Variants in ADAMTSL1 observed in about 807,000 individuals in gnomAD.
ADAMTSL1 encodes ADAMTS like 1.
In ADAMTSL1, 126 loss-of-function variants were observed where a neutral mutation model predicts 201.8. That is an observed-to-expected ratio of 0.62 (90% CI 0.54 to 0.72). ADAMTSL1 has a LOEUF of 0.72. ADAMTSL1 is among the 30% of genes least tolerant of loss of function. The probability of loss-of-function intolerance (pLI) is 0.00; values close to 1 mark genes in which losing one functional copy is unlikely to be tolerated. For synonymous variants in ADAMTSL1, 1,121 were observed against 903.4 expected (o/e 1.24, Z -4.32); for missense variants, 2,679 against 2,277.8 (o/e 1.18, Z -3.59).
At chr9:18,829,670 C>A (rs1280935428) in intron 22 of ADAMTSL1, among the ~76,000 whole-genome samples, 173 bp from the exon 23 acceptor site, 9 of 152,148 alleles carry the variant, frequency 5.9e-5, no homozygotes, top group Admixed American at 5.9e-4. Flanking sequence ...GAAATTCAGA[C>A]TCACCTTGAC....
intron 1 of ADAMTSL1, among the ~76,000 whole-genome samples, chr9:18,476,252 A>C (rs1331857450): frequency 1.3e-5 from 2 of 152,146 alleles, no homozygotes; most frequent in Non-Finnish European, 2.9e-5. Flanking sequence ...CATTACAATA[A>C]ATCCTTACAA....
chr9:18,266,143 C>T (rs774978108), intron 2 of ADAMTSL1, among the ~76,000 whole-genome samples: 10 of 152,182 alleles, frequency 6.6e-5, no homozygotes, highest in African/African-American at 1.4e-4. Flanking sequence ...AGACAGCAGG[C>T]GCCACTGCTG....
intron 1 of ADAMTSL1, among the ~76,000 whole-genome samples, chr9:18,113,142 T>C (rs1284638129): frequency 2.0e-5 from 3 of 151,982 alleles, no homozygotes; most frequent in Non-Finnish European, 4.4e-5. Context: ...TTAGATACGA[T>C]GGGATTGTGA....
At chr9:18,795,786 G>A (rs903122392) in intron 20 of ADAMTSL1, among the ~76,000 whole-genome samples, 6 of 152,138 alleles carry the variant, frequency 3.9e-5, no homozygotes, top group Admixed American at 2.6e-4. Flanking sequence ...TAAGAGACAG[G>A]GATATTTCAT....
At chr9:18,129,165 G>T (rs1340584898) in intron 1 of ADAMTSL1, among the ~76,000 whole-genome samples, 2 of 152,090 alleles carry the variant, frequency 1.3e-5, no homozygotes, top group Non-Finnish European at 2.9e-5. Context: ...GAGACAAAAG[G>T]CCTACCTGCT....
chr9:18,084,649 C>G (rs1254769234), intron 1 of ADAMTSL1, among the ~76,000 whole-genome samples: 2 of 152,070 alleles, frequency 1.3e-5, no homozygotes, highest in African/African-American at 4.8e-5. Flanking sequence ...CCGTACAGCT[C>G]AAGCTCCCTC....
intron 1 of ADAMTSL1, among the ~76,000 whole-genome samples, chr9:18,072,284 G>A (rs1254749134): frequency 6.6e-6 from 1 of 152,166 alleles, no homozygotes; most frequent in Non-Finnish European, 1.5e-5. Context: ...ATGATTTTAT[G>A]TGATGGCCTC....
chr9:18,298,777 ACTTTGGGAGGCCGCAGC>A (rs1833576867), intron 2 of ADAMTSL1, among the ~76,000 whole-genome samples: 1 of 151,952 alleles, frequency 6.6e-6, no homozygotes, highest in Non-Finnish European at 1.5e-5. Context: ...TAATCCCAGC[ACTTTGGGAGGCCGCAGC>A]GGGCGGATCA....
intron 2 of ADAMTSL1, among the ~76,000 whole-genome samples, chr9:18,309,187 C>A (rs1834022827): frequency 6.6e-6 from 1 of 152,146 alleles, no homozygotes; most frequent in Non-Finnish European, 1.5e-5. Flanking sequence ...AAATGTATCT[C>A]AAAATAATAA....
intron 4 of ADAMTSL1, among the ~76,000 whole-genome samples, chr9:18,579,620 A>G (rs1291149195): frequency 2.6e-5 from 4 of 152,172 alleles, no homozygotes; most frequent in African/African-American, 4.8e-5. Flanking sequence ...TTCTGAGTAC[A>G]TGATTTAATA....
intron 1 of ADAMTSL1, among the ~76,000 whole-genome samples, chr9:18,019,397 A>G (rs1411012503): frequency 4.6e-5 from 7 of 152,128 alleles, no homozygotes; most frequent in Non-Finnish European, 1.0e-4. Flanking sequence ...GAGTACTGTC[A>G]GAAAAACATA....
At chr9:18,660,698 A>G (rs889133757) in intron 8 of ADAMTSL1, among the ~76,000 whole-genome samples, 1 of 152,174 alleles carries the variant, frequency 6.6e-6, no homozygotes, top group African/African-American at 2.4e-5. Flanking sequence ...TTAAAATGTC[A>G]TTTTGCTACT....
At chr9:18,122,221 T>C (rs1421916208) in intron 1 of ADAMTSL1, among the ~76,000 whole-genome samples, 1 of 152,138 alleles carries the variant, frequency 6.6e-6, no homozygotes, top group Non-Finnish European at 1.5e-5. Context: ...AACTTATAAA[T>C]GCATGTTCAT....
At chr9:18,786,713 G>C (rs1490002430) in intron 19 of ADAMTSL1, among the ~76,000 whole-genome samples, 1 of 152,166 alleles carries the variant, frequency 6.6e-6, no homozygotes, top group East Asian at 1.9e-4. Flanking sequence ...TGTTCAAAGA[G>C]TTGGGTTAGC....
intron 25 of ADAMTSL1, 110 bp downstream of exon 25, chr9:18,889,858 C>A: frequency 8.9e-7 from 1 of 1,124,320 alleles, no homozygotes; most frequent in Non-Finnish European, 1.2e-6. Context: ...GAGATGCCAG[C>A]CAAGGAGCTG....
At chr9:18,097,578 G>T (rs577852397) in intron 1 of ADAMTSL1, among the ~76,000 whole-genome samples, 2 of 152,062 alleles carry the variant, frequency 1.3e-5, no homozygotes, top group Non-Finnish European at 2.9e-5. Context: ...TTAATACTTC[G>T]TGTGGTCTGT....
At chr9:18,359,837 C>CCCCCCCCCCCA (rs557711954) in intron 2 of ADAMTSL1, among the ~76,000 whole-genome samples, 1 of 122,634 alleles carries the variant, frequency 8.2e-6, no homozygotes, top group Non-Finnish European at 1.8e-5. Flanking sequence ...GCCCCCCCGC[C>CCCCCCCCCCCA]CACACAAAAT....
In ADAMTSL1 at chr9:18,857,256, G is replaced by A. The variant is rs187605456; in HGVS notation, c.4249+27279G>A. 2.7e-3 allele frequency among the ~76,000 whole-genome samples: 415 copies of A among 152,290 alleles called. 1 individual carries two copies. Among genetic ancestry groups the A allele is most frequent in the African/African-American group, 9.6e-3 (398 of 41,568 alleles). ...CTGACATAATACCTCATTGCCCAGT[G>A]CATATTCCTTCAAGGTTTCTCAGTT... On this transcript the variant is annotated intron_variant, in intron 23 of 28. Coordinates refer to ENST00000380548, the MANE Select transcript of ADAMTSL1 (RefSeq NM_001040272.6).
At chr9:18,399,328 T>TATATAC (rs1491459278) in intron 2 of ADAMTSL1, among the ~76,000 whole-genome samples, 19 of 107,722 alleles carry the variant, frequency 1.8e-4, no homozygotes, top group Non-Finnish European at 3.3e-4. Context: ...TATATATATA[T>TATATAC]AAAATTATTA....
Sources: allele counts gnomAD v4.1 joint callset (sites outside exome capture counted in the v4.1 genomes callset), GRCh38; gene constraint gnomAD v4.1.1; transcripts MANE v1.5; gene names NCBI Gene and HGNC (gene_info 2026-07-23, HGNC 2026-07-21).